SP140: variants seen among roughly 807,000 people sequenced by gnomAD.
The protein encoded by SP140 is nuclear body protein SP140.
In SP140, 81 loss-of-function variants were observed where a neutral mutation model predicts 125.0. The observed-to-expected ratio is 0.65, with a 90% CI of 0.54 to 0.78. The LOEUF (loss-of-function observed/expected upper bound fraction) is 0.78. Ranked by LOEUF, SP140 falls within the 30% of genes least tolerant of loss-of-function variation. SP140 has a pLI of 0.00. For synonymous variants in SP140, 312 were observed against 354.0 expected (o/e 0.88, Z 1.33); for missense variants, 858 against 1,037.0 (o/e 0.83, Z 2.37).
At chr2:230,193,832 G>C in the SP140 span, among the ~76,000 whole-genome samples, 3 of 152,266 alleles carry the variant, frequency 2.0e-5, no homozygotes, top group Admixed American at 2.0e-4. Context: ...GCTCAGTTGG[G>C]GCCATTTTGG....
chr2:230,286,292 A>G (rs191247888), intron 17 of SP140, among the ~76,000 whole-genome samples: 13 of 152,362 alleles, frequency 8.5e-5, no homozygotes, highest in Admixed American at 6.5e-5. Flanking sequence ...GTATTAAACT[A>G]CAATGTCTTC....
intron 8 of SP140, 23 bp downstream of exon 8, chr2:230,248,088 CAT>C (rs2049769773): frequency 2.5e-6 from 4 of 1,610,602 alleles, no homozygotes; most frequent in Non-Finnish European, 3.4e-6. Flanking sequence ...GAAGCAGAGA[CAT>C]GTGTCAAGGG....
At chr2:230,233,424 G>T (rs959496205) in intron 1 of SP140, among the ~76,000 whole-genome samples, 2 of 152,046 alleles carry the variant, frequency 1.3e-5, no homozygotes, top group Non-Finnish European at 2.9e-5. Flanking sequence ...AGAATCTAAA[G>T]TTTAAGATTG....
chr2:230,297,275 C>T (rs1024757778), intron 21 of SP140, 146 bp from the exon 22 acceptor site: 1 of 891,150 alleles, frequency 1.1e-6, no homozygotes, highest in African/African-American at 1.7e-5. Flanking sequence ...TGGAGCCACC[C>T]CAGCCTACTG....
chr2:230,224,363 G>A (rs938566288), upstream of SP140, among the ~76,000 whole-genome samples: 2 of 151,606 alleles, frequency 1.3e-5, no homozygotes, highest in African/African-American at 4.9e-5. Flanking sequence ...GCCCCATGGA[G>A]ACTGGGAGGA....
intron 1 of SP140, among the ~76,000 whole-genome samples, chr2:230,208,570 C>T (rs933834820): frequency 1.3e-5 from 2 of 152,186 alleles, no homozygotes; most frequent in African/African-American, 4.8e-5. Context: ...CATCTGATAT[C>T]TCCTTATGGT....
At chr2:230,233,199 T>A (rs571182391) in intron 1 of SP140, among the ~76,000 whole-genome samples, 3 of 152,320 alleles carry the variant, frequency 2.0e-5, no homozygotes, top group Non-Finnish European at 4.4e-5. Flanking sequence ...CACTTGGGTT[T>A]CTAATTAATT....
chr2:230,296,197 C>G (rs2057710466), intron 21 of SP140, among the ~76,000 whole-genome samples: 1 of 152,170 alleles, frequency 6.6e-6, no homozygotes, highest in Admixed American at 6.6e-5. Context: ...GCTGTGATTT[C>G]ATCATAGCAC....
intron 21 of SP140, among the ~76,000 whole-genome samples, chr2:230,294,521 G>T (rs1318806739): frequency 6.6e-6 from 1 of 152,178 alleles, no homozygotes; most frequent in African/African-American, 2.4e-5. Flanking sequence ...GTCCTGTTTG[G>T]ATTCAACCAT....
the SP140 span, among the ~76,000 whole-genome samples, chr2:230,186,615 T>C: frequency 7.5e-3 from 1,135 of 152,316 alleles, 5 homozygotes; most frequent in Middle Eastern, 0.024. Flanking sequence ...GTCTGAGTAG[T>C]GTACATTGTA....
chr2:230,200,210 G>C (rs982132770), upstream of SP140, among the ~76,000 whole-genome samples: 2 of 152,152 alleles, frequency 1.3e-5, no homozygotes, highest in Non-Finnish European at 2.9e-5. Flanking sequence ...CATTTGTCAT[G>C]TGAGAGTTCT....
chr2:230,249,207 G>A (rs1328450594), intron 9 of SP140, among the ~76,000 whole-genome samples: 2 of 152,158 alleles, frequency 1.3e-5, no homozygotes, highest in African/African-American at 2.4e-5. Flanking sequence ...TAGGGAGAAC[G>A]AATATACCAG....
At chr2:230,303,196 A>G (rs887792011) in intron 22 of SP140, among the ~76,000 whole-genome samples, 2 of 152,246 alleles carry the variant, frequency 1.3e-5, no homozygotes, top group African/African-American at 4.8e-5. Flanking sequence ...GAAGATCCAA[A>G]TAAGCCCAAT....
At chr2:230,276,343 C>T (rs562981526) in intron 15 of SP140, among the ~76,000 whole-genome samples, 6 of 152,048 alleles carry the variant, frequency 3.9e-5, no homozygotes, top group Non-Finnish European at 8.8e-5. Flanking sequence ...TCCTAGGGCC[C>T]TTAAGAATTA....
chr2:230,267,919 C>A (rs1001772919), intron 12 of SP140, among the ~76,000 whole-genome samples: 3 of 152,088 alleles, frequency 2.0e-5, no homozygotes, highest in Non-Finnish European at 4.4e-5. Context: ...AAAATGTGAC[C>A]GAACATCTTT....
At chr2:230,212,667 G>T in intron 1 of SP140, 1 of 1,495,086 alleles carries the variant, frequency 6.7e-7, no homozygotes, top group Non-Finnish European at 9.3e-7. Context: ...GAAGAACTAG[G>T]ACAATAAAAG....
chr2:230,253,227 A>T (rs775037814), intron 10 of SP140, 89 bp from the exon 11 acceptor site: 18 of 896,936 alleles, frequency 2.0e-5, no homozygotes, highest in Non-Finnish European at 2.9e-5. Context: ...AAGGCGGAAC[A>T]AGACAGGGGT....
intron 22 of SP140, among the ~76,000 whole-genome samples, chr2:230,304,337 T>C (rs532824548): frequency 6.6e-6 from 1 of 152,264 alleles, no homozygotes; most frequent in Admixed American, 6.5e-5. Flanking sequence ...CCAATAGCAA[T>C]CTGGAAAGTC....
upstream of SP140, among the ~76,000 whole-genome samples, chr2:230,202,121 T>C (rs1376915780): frequency 6.6e-6 from 1 of 152,230 alleles, no homozygotes; most frequent in Non-Finnish European, 1.5e-5. Context: ...CACTAATTTT[T>C]TTTGTTTTAG....
Sources: allele counts gnomAD v4.1 joint callset (sites outside exome capture counted in the v4.1 genomes callset), GRCh38; gene constraint gnomAD v4.1.1; transcripts MANE v1.5; gene names NCBI Gene and HGNC (gene_info 2026-07-23, HGNC 2026-07-21).